The following CHRM1 variants were observed in gnomAD, a reference collection of about 807,000 sequenced individuals.
CHRM1 encodes cholinergic receptor muscarinic 1.
CHRM1 carries 5 observed loss-of-function variants against 31.6 expected under a neutral mutation model. The ratio of observed to expected loss-of-function variants is 0.16; its 90% CI spans 0.08 to 0.33. The LOEUF is 0.33. Ranked by LOEUF, CHRM1 falls within the 10% of genes least tolerant of loss-of-function variation. The probability of loss-of-function intolerance (pLI) is 1.00; values close to 1 mark genes in which losing one functional copy is unlikely to be tolerated. For missense variants in CHRM1, 338 were observed against 610.3 expected (o/e 0.55, Z 4.70); for synonymous variants, 227 against 249.7 (o/e 0.91, Z 0.86).
intron 1 of CHRM1, among the ~76,000 whole-genome samples, chr11:62,915,644 G>A (rs1248718459): frequency 1.3e-5 from 2 of 152,162 alleles, no homozygotes; most frequent in Non-Finnish European, 2.9e-5. Flanking sequence ...CCCAGTCTTG[G>A]GTTTGAAGCT....
At chr11:62,911,784 A>G (rs1020211142) in intron 1 of CHRM1, among the ~76,000 whole-genome samples, 3 of 152,196 alleles carry the variant, frequency 2.0e-5, no homozygotes, top group Admixed American at 6.5e-5. Context: ...AAAACAGGAA[A>G]GAAAGAAAAG....
At chr11:62,913,328 C>T (rs1405768377) in intron 1 of CHRM1, among the ~76,000 whole-genome samples, 1 of 152,140 alleles carries the variant, frequency 6.6e-6, no homozygotes, top group African/African-American at 2.4e-5. Flanking sequence ...CAGTAGGTCT[C>T]CTTTAACTCT....
chr11:62,913,907 C>G (rs1042431341), intron 1 of CHRM1, among the ~76,000 whole-genome samples: 1 of 150,308 alleles, frequency 6.7e-6, no homozygotes, highest in Non-Finnish European at 1.5e-5. Context: ...TGCAGTTGCG[C>G]GATCTCGGCT....
rs768590544 is a variant in CHRM1, at chr11:62,910,663, G to T, written c.438C>A (p.Ile146=). Residue 146 remains isoleucine (I), a synonymous_variant, in exon 2 of 2, where the codon ATC becomes ATA. Transcript: ENST00000306960. This position sits in a 1 kb window ranked among gnomAD's most constrained non-coding sequence, Gnocchi z 8.7. The stretch of plus-strand genomic sequence containing the variant: ...CAAAGGAAACCAGCCAGGCCAGGCC[G>T]ATCATCAGAGCTGCCCGGCGGGGTG... ...KRTPRRAALM[I]GLAWLVSFVL... is the part of the protein sequence containing the mutation. 1 of 1,614,014 alleles carries T rather than the reference G, an allele frequency of 6.2e-7. No homozygotes were observed. Among genetic ancestry groups the T allele is most frequent in the African/African-American group, 1.3e-5 (1 of 74,920 alleles).
Position 62,909,771 on chromosome 11 carries a change from T to TGCGCCA in CHRM1, c.1324_1329dup (p.Trp442_Arg443dup). On this transcript the variant is annotated inframe_insertion, in exon 2 of 2. Coordinates refer to ENST00000306960, the MANE Select transcript of CHRM1 (RefSeq NM_000738.3). ...ACGGAGCCAGGGCGCTTGGGGATCT[T>TGCGCCA]GCGCCAGCGTCTCTTGTCCCAGCGG... The TGCGCCA allele has an allele frequency of 6.2e-7, 1 of 1,614,134 alleles. No individual in the cohort carries two copies. The highest frequency in any genetic ancestry group is 8.5e-7 in the Non-Finnish European group (1 of 1,179,956).
chr11:62,918,639 C>T (rs889235654), intron 1 of CHRM1, among the ~76,000 whole-genome samples: 5 of 152,184 alleles, frequency 3.3e-5, no homozygotes, highest in Non-Finnish European at 7.3e-5. Context: ...CATGGACGTG[C>T]CAAAGCATTT....
intron 1 of CHRM1, among the ~76,000 whole-genome samples, chr11:62,914,221 G>A (rs1407482650): frequency 6.6e-6 from 1 of 152,108 alleles, no homozygotes; most frequent in Non-Finnish European, 1.5e-5. Flanking sequence ...TGGGATTACA[G>A]GCGTGAGCCA....
In CHRM1 at chr11:62,909,519, C is replaced by CG. The variant is rs1478240632; in HGVS notation, c.*198dup. The CG allele has an allele frequency of 4.8e-5, 30 of 628,118 alleles. No individual in the cohort carries two copies. The South Asian group carries it at 6.1e-4, about 13-fold the overall frequency. The allele number at this position is 628,118 out of a possible 1,614,324, so 38.9% of individuals were successfully genotyped here. A position where few individuals can be genotyped will look rare whatever the true frequency, so the allele number is the denominator to read the frequency against. On this transcript the variant is annotated 3_prime_UTR_variant, in exon 2 of 2. Coordinates refer to ENST00000306960, the MANE Select transcript of CHRM1 (RefSeq NM_000738.3). ...GCAGGGAACAGAAAAACCAGTTCCC[C>CG]GGGTTTCCCTCCCTGCCTGGGAATA...
intron 1 of CHRM1, among the ~76,000 whole-genome samples, chr11:62,912,618 A>G (rs937783394): frequency 6.6e-6 from 1 of 152,226 alleles, no homozygotes; most frequent in African/African-American, 2.4e-5. Context: ...GTAAAGAGAA[A>G]GGCCGGGGCC....
In CHRM1 at chr11:62,910,528, G is replaced by A. The variant is rs1259717354; in HGVS notation, c.573C>T (p.Gly191=). The A allele has an allele frequency of 1.2e-6, 2 of 1,614,186 alleles. No individual in the cohort carries two copies. The highest frequency in any genetic ancestry group is 2.2e-5 in the South Asian group (2 of 91,080). Residue 191 remains glycine (G), a synonymous_variant, in exon 2 of 2, where the codon GGC becomes GGT. Coordinates refer to ENST00000306960, the MANE Select transcript of CHRM1 (RefSeq NM_000738.3). The surrounding 1 kb of genome is among the most constrained non-coding windows in gnomAD (Gnocchi z 8.7). ...QFLSQPIITF[G]TAMAAFYLPV... is the part of the protein sequence containing the mutation. Reference sequence around the variant, plus strand: ...GGAGGTAGAAGGCAGCCATGGCTGTGCCAAAGGTGATGATGGGCTGGGAGA... The same window carrying A: ...GGAGGTAGAAGGCAGCCATGGCTGTACCAAAGGTGATGATGGGCTGGGAGA...
chr11:62,913,246 T>C (rs2085881657), intron 1 of CHRM1, among the ~76,000 whole-genome samples: 1 of 152,240 alleles, frequency 6.6e-6, no homozygotes, highest in African/African-American at 2.4e-5. Context: ...GACTGTCACC[T>C]CTTTTCAGGT....
chr11:62,911,952 A>G (rs573061711), intron 1 of CHRM1, among the ~76,000 whole-genome samples: 2 of 152,204 alleles, frequency 1.3e-5, no homozygotes, highest in Admixed American at 6.5e-5. Flanking sequence ...TTTTTTCTGC[A>G]CGTTTTTCTG....
intron 1 of CHRM1, among the ~76,000 whole-genome samples, chr11:62,913,283 G>A (rs1240032831): frequency 6.6e-6 from 1 of 152,198 alleles, no homozygotes; most frequent in Non-Finnish European, 1.5e-5. Flanking sequence ...ATCAATGCAT[G>A]TAAGGTGCTT....
intron 1 of CHRM1, chr11:62,920,820 C>T (rs1012226915): frequency 2.6e-5 from 4 of 152,168 alleles, no homozygotes; most frequent in Non-Finnish European, 4.4e-5. Context: ...GGGGGTCAAC[C>T]TCCCACAGGA....
chr11:62,915,174 CAAAAAAAAA>C (rs34590771), intron 1 of CHRM1, among the ~76,000 whole-genome samples: 6 of 22,724 alleles, frequency 2.6e-4, no homozygotes, highest in Non-Finnish European at 3.7e-4. Context: ...GACCCTGTCT[CAAAAAAAAA>C]AAAAAAAAAA....
Position 62,909,439 on chromosome 11 carries a change from A to G in CHRM1, c.*279T>C, listed in dbSNP as rs920592103. 10 of 478,194 alleles carry G rather than the reference A, an allele frequency of 2.1e-5. No individual in the cohort carries two copies. The allele number at this position is 478,194 out of a possible 1,614,324, so 29.6% of individuals were successfully genotyped here. A position where few individuals can be genotyped will look rare whatever the true frequency, so the allele number is the denominator to read the frequency against. ...TGCCTAAAGGCAAACAAGGAGTCCA[A>G]AGCCCGGATCCTCCTCCCGGGCCTT... On this transcript the variant is annotated 3_prime_UTR_variant, in exon 2 of 2. Coordinates refer to ENST00000306960, the MANE Select transcript of CHRM1 (RefSeq NM_000738.3).
intron 1 of CHRM1, among the ~76,000 whole-genome samples, chr11:62,914,413 C>T (rs1164884856): frequency 2.0e-5 from 3 of 152,142 alleles, no homozygotes; most frequent in Non-Finnish European, 4.4e-5. Flanking sequence ...TTTGCTAATT[C>T]GAATTCTAAA....
At chr11:62,919,226 T>C (rs2085917679) in intron 1 of CHRM1, among the ~76,000 whole-genome samples, 1 of 152,146 alleles carries the variant, frequency 6.6e-6, no homozygotes, top group Admixed American at 6.5e-5. Context: ...GCACAAAACT[T>C]CCACCCCTGA....
chr11:62,909,109 G>A lies in CHRM1; in HGVS notation c.*609C>T, dbSNP rs1454116159. On this transcript the variant is annotated 3_prime_UTR_variant, in exon 2 of 2. Coordinates refer to ENST00000306960, the MANE Select transcript of CHRM1 (RefSeq NM_000738.3). ...TGACTAGCCAAGCCGGACCCTTCCAGTGTCATTGTCTTGCTGATGCTTGGA... is the reference window on the plus strand; with the variant it reads ...TGACTAGCCAAGCCGGACCCTTCCAATGTCATTGTCTTGCTGATGCTTGGA... 1 of 153,124 alleles carries A rather than the reference G, an allele frequency of 6.5e-6. No homozygotes were observed. Among genetic ancestry groups the A allele is most frequent in the African/African-American group, 2.4e-5 (1 of 41,464 alleles). 9.5% of individuals were successfully genotyped at this position (153,124 alleles called of 1,614,324 possible). A position where few individuals can be genotyped will look rare whatever the true frequency, so the allele number is the denominator to read the frequency against.
Sources: gnomAD v4.1 joint callset for allele counts (sites outside exome capture counted in the v4.1 genomes callset) on GRCh38, gnomAD v4.1.1 for gene constraint, Gnocchi (gnomAD v3.1) non-coding constraint, MANE v1.5 for transcripts, NCBI Gene and HGNC (gene_info 2026-07-23, HGNC 2026-07-21) for gene names.